ATF7IP: variants seen among roughly 807,000 people sequenced by gnomAD.
ATF7IP encodes the protein activating transcription factor 7-interacting protein 1.
Under a neutral mutation model 106.4 loss-of-function variants are expected in ATF7IP, and 23 were observed. The observed-to-expected ratio is 0.22, with a 90% CI of 0.16 to 0.31. The LOEUF is 0.31. ATF7IP is among the 10% of genes least tolerant of loss of function. ATF7IP has a pLI of 1.00. For missense variants in ATF7IP, 1,334 were observed against 1,524.3 expected (o/e 0.88, Z 2.08); for synonymous variants, 542 against 539.0 (o/e 1.01, Z -0.08).
intron 14 of ATF7IP, 33 bp from the exon 15 acceptor site, chr12:14,497,621 A>G (rs755990038): frequency 2.6e-6 from 4 of 1,561,986 alleles, no homozygotes; most frequent in Non-Finnish European, 3.5e-6. Context: ...TCTTTTTGCA[A>G]TCATCATTAA....
intron 1 of ATF7IP, among the ~76,000 whole-genome samples, chr12:14,368,907 T>C (rs1215496390): frequency 2.0e-5 from 3 of 151,990 alleles, no homozygotes; most frequent in Non-Finnish European, 1.5e-5. Flanking sequence ...TTTATGATTG[T>C]ATATGTTAAG....
chr12:14,416,787 C>A, intron 1 of ATF7IP: 1 of 361,244 alleles, frequency 2.8e-6, no homozygotes, highest in Non-Finnish European at 3.9e-6. Context: ...AGGTTTGTGA[C>A]ACTGATGTCT....
chr12:14,460,890 A>G lies in ATF7IP; in HGVS notation c.2554A>G (p.Ser852Gly), dbSNP rs1338478127. 1 of 1,614,064 alleles carries G rather than the reference A, an allele frequency of 6.2e-7. No individual in the cohort carries two copies. Among genetic ancestry groups the G allele is most frequent in the Non-Finnish European group, 8.5e-7 (1 of 1,180,034 alleles). The change falls in exon 9 of 15, where the codon AGT becomes GGT. Residue 852 changes from serine (S) to glycine (G), a missense_variant. Physicochemically the swap from Ser to Gly is moderately conservative, Grantham distance 56 (BLOSUM62 0). Coordinates refer to ENST00000261168, the MANE Select transcript of ATF7IP (RefSeq NM_018179.5). ...ACCAAACAACGTTCCTTCTGTGCCC[A>G]GTCCTAGTATTCAAAGGAACCCTAC... Reference protein sequence around the residue: ...TKPNNVPSVPSPSIQRNPTAS... With the variant: ...TKPNNVPSVPGPSIQRNPTAS...
chr12:14,379,332 G>A (rs923518103), intron 1 of ATF7IP, among the ~76,000 whole-genome samples: 9 of 151,962 alleles, frequency 5.9e-5, no homozygotes, highest in South Asian at 4.1e-4. Context: ...CCAAGAACCC[G>A]AGCAGATACA....
At chr12:14,430,646 AT>A (rs1445727538) in intron 2 of ATF7IP, among the ~76,000 whole-genome samples, 1 of 151,812 alleles carries the variant, frequency 6.6e-6, no homozygotes, top group Admixed American at 6.6e-5. Flanking sequence ...TCCTTTGCCC[AT>A]TTTTCTAATG....
intron 1 of ATF7IP, among the ~76,000 whole-genome samples, chr12:14,374,272 ATTT>A (rs563859251): frequency 1.9e-5 from 2 of 105,442 alleles, no homozygotes; most frequent in African/African-American, 3.5e-5. Context: ...TAATTTTGTA[ATTT>A]TTTTTTTTTT....
chr12:14,493,490 C>T (rs1303800335), intron 13 of ATF7IP, among the ~76,000 whole-genome samples: 1 of 152,144 alleles, frequency 6.6e-6, no homozygotes, highest in East Asian at 1.9e-4. Flanking sequence ...CCTCACATAT[C>T]ACAGGCTTTA....
intron 4 of ATF7IP, among the ~76,000 whole-genome samples, chr12:14,437,595 A>T (rs931528819): frequency 6.6e-6 from 1 of 152,178 alleles, no homozygotes; most frequent in Non-Finnish European, 1.5e-5. Flanking sequence ...GGAACTTTTT[A>T]AAAGTTTACT....
At position 14,497,668 on chromosome 12, in the gene ATF7IP, C is replaced by T. The variant is rs760962478; in HGVS notation, c.3408C>T (p.Pro1136=). The change falls in exon 15 of 15, where the codon CCC becomes CCT. Residue 1136 remains proline, a synonymous_variant. Coordinates refer to ENST00000261168, the MANE Select transcript of ATF7IP (RefSeq NM_018179.5). ...TGTTTCTTCAGGAGCCCCCACGCCC[C>T]GTGCACCCAGCACCCTTACCAGAAG... ...PPQVHTEPPR[P]VHPAPLPEAP... 11 of 1,613,368 alleles carry T rather than the reference C, an allele frequency of 6.8e-6. No homozygotes were observed. The highest frequency in any genetic ancestry group is 2.2e-5 in the East Asian group (1 of 44,876).
intron 1 of ATF7IP, chr12:14,420,166 A>G (rs1261251872): frequency 6.6e-6 from 1 of 152,180 alleles, no homozygotes; most frequent in Non-Finnish European, 1.5e-5. Flanking sequence ...AAAACCTAGT[A>G]TAGGATTTGA....
At position 14,430,212 on chromosome 12, in the gene ATF7IP, A is replaced by C. The variant is rs566933615; in HGVS notation, c.1559-4125A>C. Among the ~76,000 whole-genome samples, 5 of 152,300 alleles carry C rather than the reference A, an allele frequency of 3.3e-5. No individual in the cohort carries two copies. In the South Asian group the frequency reaches 1.0e-3, roughly 32 times the overall value. The stretch of plus-strand genomic sequence containing the variant: ...TTTGGTGTTTCAGAAGCCAAGTAAA[A>C]ACACTGTTTTGAGGAGGGAATAAGG... On this transcript the variant is annotated intron_variant, in intron 2 of 14. Transcript: ENST00000261168.
intron 10 of ATF7IP, among the ~76,000 whole-genome samples, chr12:14,472,950 T>C (rs906878426): frequency 1.3e-5 from 2 of 152,214 alleles, no homozygotes; most frequent in Admixed American, 6.5e-5. Flanking sequence ...ACTGTTTGCA[T>C]GTTACTTTTT....
intron 4 of ATF7IP, among the ~76,000 whole-genome samples, chr12:14,437,106 C>G (rs1942439089): frequency 6.6e-6 from 1 of 152,064 alleles, no homozygotes; most frequent in Non-Finnish European, 1.5e-5. Context: ...TGAAATTCCC[C>G]TTACATCTGT....
At chr12:14,439,470 A>G (rs144764789) in intron 5 of ATF7IP, among the ~76,000 whole-genome samples, 4 of 152,342 alleles carry the variant, frequency 2.6e-5, no homozygotes, top group African/African-American at 9.6e-5. Context: ...TGAAGATTTG[A>G]AAGAATAATT....
At chr12:14,412,832 G>A (rs1177671175) in intron 1 of ATF7IP, among the ~76,000 whole-genome samples, 2 of 152,006 alleles carry the variant, frequency 1.3e-5, no homozygotes, top group African/African-American at 4.8e-5. Flanking sequence ...TGGCCAACAT[G>A]GTGAAACCCC....
intron 10 of ATF7IP, 142 bp downstream of exon 10, chr12:14,466,732 T>C (rs780748674): frequency 4.3e-6 from 3 of 691,120 alleles, no homozygotes; most frequent in African/African-American, 1.9e-5. Context: ...AGCTTCTCTG[T>C]AATGTTTGAC....
At chr12:14,367,270 G>A (rs1321067487) in intron 1 of ATF7IP, 1 of 152,046 alleles carries the variant, frequency 6.6e-6, no homozygotes, top group Non-Finnish European at 1.5e-5. Flanking sequence ...AATACCATTA[G>A]TAAATATTAC....
chr12:14,410,611 C>G (rs1940859224), intron 1 of ATF7IP, among the ~76,000 whole-genome samples: 1 of 152,112 alleles, frequency 6.6e-6, no homozygotes, highest in Non-Finnish European at 1.5e-5. Context: ...AAGAAAGAAT[C>G]ATATGCTGAG....
chr12:14,475,897 A>G lies in ATF7IP; in HGVS notation c.2870A>G (p.Lys957Arg), dbSNP rs1591945738. Residue 957 changes from lysine (K) to arginine (R), a missense_variant, in exon 11 of 15, where the codon AAA becomes AGA. Physicochemically the swap from Lys to Arg is conservative, Grantham distance 26. Coordinates refer to ENST00000261168, the MANE Select transcript of ATF7IP (RefSeq NM_018179.5). ...KAADSTSQCG[K>R]ATGSDSSGVI... ...AGAAGTTTTGTTTTTCAGTGTGGAAAAGCCACTGGCAGTGATTCAAGTGGT... is the reference window on the plus strand; with the variant it reads ...AGAAGTTTTGTTTTTCAGTGTGGAAGAGCCACTGGCAGTGATTCAAGTGGT... The G allele has an allele frequency of 1.2e-6, 2 of 1,609,826 alleles. No homozygotes were observed. The highest frequency in any genetic ancestry group is 4.5e-5 in the East Asian group (2 of 44,794).
Sources: gnomAD v4.1 joint callset for allele counts (sites outside exome capture counted in the v4.1 genomes callset) on GRCh38, gnomAD v4.1.1 for gene constraint, MANE v1.5 for transcripts, NCBI Gene and HGNC (gene_info 2026-07-23, HGNC 2026-07-21) for gene names.